The following ARMC2 variants were observed in gnomAD, a reference collection of about 807,000 sequenced individuals.
ARMC2 encodes armadillo repeat containing 2.
In ARMC2, 67 loss-of-function variants were observed where a neutral mutation model predicts 90.3. The ratio of observed to expected loss-of-function variants is 0.74; its 90% CI spans 0.61 to 0.91. The LOEUF is 0.91. Ranked by LOEUF, ARMC2 falls within the 40% of genes least tolerant of loss-of-function variation. The pLI, the probability that ARMC2 is intolerant of heterozygous loss-of-function variation, is 0.00. For missense variants in ARMC2, 920 were observed against 1,030.9 expected (o/e 0.89, Z 1.47); for synonymous variants, 393 against 393.0 (o/e 1.00, Z 0.00).
At chr6:108,953,375 G>T (rs1202930741) in intron 13 of ARMC2, 24 bp downstream of exon 13, 1 of 1,570,604 alleles carries the variant, frequency 6.4e-7, no homozygotes, top group Non-Finnish European at 8.6e-7. Context: ...CCCACTGGCT[G>T]CAGCAGACAC....
the ARMC2 span, among the ~76,000 whole-genome samples, chr6:109,031,889 T>TAA: frequency 2.0e-5 from 3 of 152,156 alleles, no homozygotes; most frequent in Non-Finnish European, 4.4e-5. Context: ...TGCATATATA[T>TAA]AATGAAATAT....
chr6:108,936,793 G>C (rs1775992419), intron 11 of ARMC2, 107 bp from the exon 12 acceptor site: 1 of 911,396 alleles, frequency 1.1e-6, no homozygotes, highest in Non-Finnish European at 1.7e-6. Flanking sequence ...TCCTTTTCTT[G>C]AACTGGGCAA....
intron 13 of ARMC2, among the ~76,000 whole-genome samples, chr6:108,958,676 A>G (rs1777769642): frequency 1.3e-5 from 2 of 152,234 alleles, no homozygotes; most frequent in Admixed American, 6.5e-5. Context: ...CCCTTTGCCC[A>G]AGAGTTAGAC....
intron 12 of ARMC2, among the ~76,000 whole-genome samples, chr6:108,939,715 T>G (rs922965522): frequency 6.6e-6 from 1 of 152,202 alleles, no homozygotes; most frequent in African/African-American, 2.4e-5. Context: ...TAAAATTATT[T>G]TAATTTCCAA....
At chr6:108,961,774 C>T (rs2128512128) in intron 14 of ARMC2, 80 bp downstream of exon 14, 6 of 1,415,834 alleles carry the variant, frequency 4.2e-6, no homozygotes, top group East Asian at 4.6e-5. Context: ...GAGCAGGAGA[C>T]ATTACTATCT....
At chr6:108,889,939 A>G (rs377169417) in intron 5 of ARMC2, among the ~76,000 whole-genome samples, 2 of 151,354 alleles carry the variant, frequency 1.3e-5, no homozygotes, top group Non-Finnish European at 2.9e-5. Context: ...CTGTAATCCC[A>G]GCACTTTGGG....
intron 13 of ARMC2, among the ~76,000 whole-genome samples, chr6:108,958,511 G>T (rs1777758274): frequency 6.6e-6 from 1 of 152,156 alleles, no homozygotes. Flanking sequence ...CCAAATGTGT[G>T]GTCCTTCGGG....
At chr6:108,996,266 C>A in the ARMC2 span, among the ~76,000 whole-genome samples, 1 of 152,170 alleles carries the variant, frequency 6.6e-6, no homozygotes, top group Admixed American at 6.5e-5. Context: ...AACAGTTATA[C>A]TGAAATGCCC....
At chr6:109,045,126 T>G in the ARMC2 span, among the ~76,000 whole-genome samples, 1 of 152,146 alleles carries the variant, frequency 6.6e-6, no homozygotes, top group Non-Finnish European at 1.5e-5. Flanking sequence ...ATACCTCCAG[T>G]TGTCCAGTGC....
intron 6 of ARMC2, among the ~76,000 whole-genome samples, chr6:108,896,616 G>A (rs892626401): frequency 1.3e-5 from 2 of 152,182 alleles, no homozygotes; most frequent in Non-Finnish European, 2.9e-5. Context: ...AGTAACTTTG[G>A]TTCTGAGAAG....
At chr6:109,002,431 C>A in the ARMC2 span, 2 of 983,802 alleles carry the variant, frequency 2.0e-6, no homozygotes, top group Non-Finnish European at 3.2e-6. Flanking sequence ...AACAACCAGT[C>A]GAACAGAGAC....
At chr6:108,933,532 A>G (rs1050275810) in intron 11 of ARMC2, among the ~76,000 whole-genome samples, 6 of 152,116 alleles carry the variant, frequency 3.9e-5, no homozygotes, top group Non-Finnish European at 7.4e-5. Context: ...CTTTCTTCTG[A>G]CTCTAAAGGA....
intron 8 of ARMC2, among the ~76,000 whole-genome samples, chr6:108,909,187 A>G (rs1180997709): frequency 6.6e-6 from 1 of 152,226 alleles, no homozygotes; most frequent in Non-Finnish European, 1.5e-5. Flanking sequence ...ATTCCTACAA[A>G]TACATTTTTA....
downstream of ARMC2, among the ~76,000 whole-genome samples, chr6:108,975,996 T>C (rs1411401029): frequency 1.3e-5 from 2 of 152,246 alleles, no homozygotes; most frequent in Non-Finnish European, 2.9e-5. Flanking sequence ...GCAGAAGCTC[T>C]TTAGTTTAAC....
At chr6:108,937,209 A>G (rs369849381) in intron 12 of ARMC2, among the ~76,000 whole-genome samples, 3 of 152,234 alleles carry the variant, frequency 2.0e-5, no homozygotes, top group Admixed American at 6.5e-5. Flanking sequence ...TGTTCTAGGA[A>G]GTTTCCTGGT....
At chr6:108,888,328 CA>C (rs1770577814) in intron 5 of ARMC2, among the ~76,000 whole-genome samples, 1 of 152,196 alleles carries the variant, frequency 6.6e-6, no homozygotes, top group Non-Finnish European at 1.5e-5. Flanking sequence ...GTCCTCACAA[CA>C]GTCTCACATT....
the ARMC2 span, among the ~76,000 whole-genome samples, chr6:109,038,637 A>C: frequency 3.9e-5 from 6 of 152,388 alleles, no homozygotes; most frequent in South Asian, 2.1e-4. Flanking sequence ...ACACCCACTT[A>C]GGGGCATATG....
chr6:108,928,077 T>G lies in ARMC2; in HGVS notation c.1351-11T>G. ...TTCAAAAAAAATGGCACAAGCATGCTTTTATCCTAGGTGACTGCTACATTG... is the reference window on the plus strand; with the variant it reads ...TTCAAAAAAAATGGCACAAGCATGCGTTTATCCTAGGTGACTGCTACATTG... On this transcript the variant is annotated splice_polypyrimidine_tract_variant and intron_variant, in intron 10 of 17. Coordinates refer to ENST00000392644, the MANE Select transcript of ARMC2 (RefSeq NM_032131.6). 6.3e-7 allele frequency: 1 copy of G among 1,597,096 alleles called. No homozygotes were observed.
intron 10 of ARMC2, among the ~76,000 whole-genome samples, chr6:108,925,623 G>A (rs916555286): frequency 2.0e-5 from 3 of 152,202 alleles, no homozygotes; most frequent in South Asian, 4.1e-4. Flanking sequence ...ATTATCCTGG[G>A]AGCTATGGAC....
Sources: gnomAD v4.1 joint callset for allele counts (sites outside exome capture counted in the v4.1 genomes callset) on GRCh38, gnomAD v4.1.1 for gene constraint, MANE v1.5 for transcripts, NCBI Gene and HGNC (gene_info 2026-07-23, HGNC 2026-07-21) for gene names.